The following NCOA2 variants were observed in gnomAD, a reference collection of about 807,000 sequenced individuals.
NCOA2 encodes nuclear receptor coactivator 2.
A neutral mutation model predicts 145.1 loss-of-function variants in NCOA2; 21 were observed. That is an observed-to-expected ratio of 0.14 (90% CI 0.10 to 0.21). The LOEUF is 0.21. Ranked by LOEUF, NCOA2 falls within the 10% of genes least tolerant of loss-of-function variation. The pLI, the probability that NCOA2 is intolerant of heterozygous loss-of-function variation, is 1.00. For missense variants in NCOA2, 1,472 were observed against 1,837.6 expected, an observed-to-expected ratio of 0.80 and a Z score of 3.64; for synonymous variants, 619 against 637.5, an observed-to-expected ratio of 0.97 and a Z score of 0.44.
At chr8:70,287,039 T>TA (rs1276776868) in intron 2 of NCOA2, among the ~76,000 whole-genome samples, 1 of 152,098 alleles carries the variant, frequency 6.6e-6, no homozygotes, top group African/African-American at 2.4e-5. Context: ...GCCCGGGAGT[T>TA]AGAGACTAGC....
In NCOA2 at chr8:70,392,333, G is replaced by A. The variant is rs369224086; in HGVS notation, c.-77+11367C>T. ...CATCTGAGTCGCACAGTGTTTCTAC[G>A]ATTTAACGTTCATTGGTTGGTGGCA... On this transcript the variant is annotated intron_variant, in intron 1 of 22. Transcript: ENST00000452400. 8.5e-4 allele frequency among the ~76,000 whole-genome samples: 129 copies of A among 152,338 alleles called. 1 individual carries two copies. The highest frequency in any genetic ancestry group is 2.9e-3 in the African/African-American group (122 of 41,576).
At chr8:70,362,312 T>C (rs1563805807) in intron 1 of NCOA2, among the ~76,000 whole-genome samples, 1 of 152,112 alleles carries the variant, frequency 6.6e-6, no homozygotes, top group Non-Finnish European at 1.5e-5. Context: ...AAAACCTTTT[T>C]TCATATAGTA....
At chr8:70,382,182 A>C (rs1415005222) in intron 1 of NCOA2, among the ~76,000 whole-genome samples, 6 of 152,060 alleles carry the variant, frequency 3.9e-5, no homozygotes, top group Non-Finnish European at 5.9e-5. Context: ...TCTGGGAAAT[A>C]AGCACCAGTT....
At chr8:70,291,473 T>G (rs1826673015) in intron 2 of NCOA2, among the ~76,000 whole-genome samples, 1 of 152,160 alleles carries the variant, frequency 6.6e-6, no homozygotes, top group African/African-American at 2.4e-5. Flanking sequence ...AAAATTCAAT[T>G]CTCTTATACT....
At chr8:70,204,035 G>A (rs1313528640) in intron 4 of NCOA2, among the ~76,000 whole-genome samples, 2 of 149,784 alleles carry the variant, frequency 1.3e-5, no homozygotes, top group South Asian at 2.1e-4. Flanking sequence ...TTTTTAAGAT[G>A]AGGTCTCGCT....
intron 1 of NCOA2, among the ~76,000 whole-genome samples, chr8:70,364,705 T>C (rs1238877024): frequency 3.3e-5 from 5 of 149,654 alleles, no homozygotes; most frequent in Non-Finnish European, 7.4e-5. Flanking sequence ...TGACACAGTC[T>C]CTCTTGACCA....
Position 70,113,567 on chromosome 8 carries a change from CCA to C in NCOA2, c.*63_*64del. The C allele has an allele frequency of 6.5e-7, 1 of 1,531,708 alleles. No homozygotes were observed. Among genetic ancestry groups the C allele is most frequent in the Non-Finnish European group, 8.9e-7 (1 of 1,129,036 alleles). 94.9% of individuals were successfully genotyped at this position (1,531,708 alleles called of 1,614,324 possible). Reference sequence around the variant, plus strand: ...GGTTGAAACAAATAGACACAGCTCTCCAGACTGGAAGTGTTTTGAGCAAGTGA... The same window carrying C: ...GGTTGAAACAAATAGACACAGCTCTCGACTGGAAGTGTTTTGAGCAAGTGA... On this transcript the variant is annotated 3_prime_UTR_variant, in exon 23 of 23. Coordinates refer to ENST00000452400, the MANE Select transcript of NCOA2 (RefSeq NM_006540.4).
chr8:70,139,453 T>G (rs1020263790), intron 14 of NCOA2, among the ~76,000 whole-genome samples: 1 of 152,170 alleles, frequency 6.6e-6, no homozygotes, highest in Non-Finnish European at 1.5e-5. Context: ...TTAGCATTTT[T>G]CGTGCTGTCA....
At chr8:70,404,761 G>T (rs1022534872), upstream of NCOA2, among the ~76,000 whole-genome samples, 2 of 152,190 alleles carry the variant, frequency 1.3e-5, no homozygotes, top group South Asian at 2.1e-4. Flanking sequence ...AAGTACTGAG[G>T]GGACGTAGGA....
At chr8:70,185,725 T>C (rs940685786) in intron 4 of NCOA2, among the ~76,000 whole-genome samples, 2 of 152,216 alleles carry the variant, frequency 1.3e-5, no homozygotes, top group African/African-American at 4.8e-5. Flanking sequence ...GCCAAGAATT[T>C]GCTTCAGTCA....
intron 15 of NCOA2, among the ~76,000 whole-genome samples, chr8:70,133,672 A>T (rs1367706721): frequency 6.6e-6 from 1 of 152,260 alleles, no homozygotes; most frequent in Non-Finnish European, 1.5e-5. Flanking sequence ...TAAAAAACAA[A>T]CAAAAAGTTT....
chr8:70,405,861 T>TA (rs1027619561), upstream of NCOA2, among the ~76,000 whole-genome samples: 9 of 152,260 alleles, frequency 5.9e-5, no homozygotes, highest in African/African-American at 2.2e-4. Flanking sequence ...TAAAACGTCT[T>TA]ACGACGGCTG....
chr8:70,316,746 C>A (rs747109893), intron 1 of NCOA2, among the ~76,000 whole-genome samples: 3 of 152,148 alleles, frequency 2.0e-5, no homozygotes. Flanking sequence ...TTAACCCTTA[C>A]CAGAAAGTAA....
At position 70,132,021 on chromosome 8, in the gene NCOA2, C is replaced by A; in HGVS notation, c.3159-19G>T. ...TGGCTGCCTGTAAAGACAGAAATGT[C>A]ACCTTGGGCCAATGGAAAAGCTAGT... On this transcript the variant is annotated intron_variant, in intron 15 of 22. Transcript: ENST00000452400. The A allele has an allele frequency of 6.2e-7, 1 of 1,603,608 alleles. No homozygotes were observed.
intron 4 of NCOA2, 110 bp from the exon 5 acceptor site, chr8:70,174,969 C>T: frequency 1.0e-6 from 1 of 968,694 alleles, no homozygotes. Context: ...GGATCAGATG[C>T]AGCTACAAAA....
the NCOA2 span, among the ~76,000 whole-genome samples, chr8:70,437,401 G>A: frequency 6.6e-6 from 1 of 152,222 alleles, no homozygotes; most frequent in South Asian, 2.1e-4. Context: ...CTGGCAGAAT[G>A]TCTGACACCT....
At chr8:70,401,589 TAC>T (rs1458361349) in intron 1 of NCOA2, among the ~76,000 whole-genome samples, 1 of 152,034 alleles carries the variant, frequency 6.6e-6, no homozygotes, top group Non-Finnish European at 1.5e-5. Flanking sequence ...AAGTTTCAAG[TAC>T]ACTTTGGGAA....
chr8:70,229,504 G>C (rs1000902778), intron 2 of NCOA2, among the ~76,000 whole-genome samples: 2 of 152,132 alleles, frequency 1.3e-5, no homozygotes, highest in Non-Finnish European at 2.9e-5. Flanking sequence ...GAACTTCAGG[G>C]CACCAAAGTG....
intron 2 of NCOA2, among the ~76,000 whole-genome samples, chr8:70,240,122 G>A (rs1821998842): frequency 6.6e-6 from 1 of 152,126 alleles, no homozygotes; most frequent in Non-Finnish European, 1.5e-5. Context: ...CTATTTGACT[G>A]CATCTCCTAA....
Sources: allele counts gnomAD v4.1 joint callset (sites outside exome capture counted in the v4.1 genomes callset), GRCh38; gene constraint gnomAD v4.1.1; transcripts MANE v1.5; gene names NCBI Gene and HGNC (gene_info 2026-07-23, HGNC 2026-07-21).